SYT7: variants seen among roughly 807,000 people sequenced by gnomAD.
SYT7 encodes the protein synaptotagmin-7.
SYT7 carries 29 observed loss-of-function variants against 75.1 expected under a neutral mutation model. The observed-to-expected ratio is 0.39, with a 90% CI of 0.29 to 0.53. The LOEUF (loss-of-function observed/expected upper bound fraction) is 0.53. Ranked by LOEUF, SYT7 falls within the 20% of genes least tolerant of loss-of-function variation. The pLI, the probability that SYT7 is intolerant of heterozygous loss-of-function variation, is 0.77. For synonymous variants in SYT7, 376 were observed against 401.7 expected (o/e 0.94, Z 0.76); for missense variants, 693 against 953.2 (o/e 0.73, Z 3.59).
At position 61,556,088 on chromosome 11, in the gene SYT7, C is replaced by A; in HGVS notation, c.135+16G>T. The A allele has an allele frequency of 6.2e-7, 1 of 1,609,142 alleles. No homozygotes were observed. Among genetic ancestry groups the A allele is most frequent in the Non-Finnish European group, 8.5e-7 (1 of 1,176,644 alleles). ...GGGCTAGGCACCACCCTCCAAGGGG[C>A]CCTCAGGAGCCTCACCAGTTTGCGC... On this transcript the variant is annotated intron_variant, in intron 2 of 12. Coordinates refer to ENST00000539008, the MANE Select transcript of SYT7 (RefSeq NM_001365809.2).
rs1049666699 is a variant in SYT7 at position 61,516,443 on chromosome 11, T to C, written c.*2184A>G. 1 of 151,782 alleles carries C rather than the reference T, an allele frequency of 6.6e-6. No individual in the cohort carries two copies. Among genetic ancestry groups the C allele is most frequent in the Non-Finnish European group, 1.5e-5 (1 of 67,950 alleles). The allele number at this position is 151,782 out of a possible 1,614,324, so 9.4% of individuals were successfully genotyped here. On this transcript the variant is annotated 3_prime_UTR_variant, in exon 13 of 13. Coordinates refer to ENST00000539008, the MANE Select transcript of SYT7 (RefSeq NM_001365809.2). The surrounding 1 kb of genome is among the most constrained non-coding windows in gnomAD (Gnocchi z 4.6). The stretch of plus-strand genomic sequence containing the variant: ...GTTGCCCCGCCCACTCGATACAAGT[T>C]GGTTGGATCCCCAGGGCGAAGGCGC...
At chr11:61,563,374 C>T (rs560371228) in intron 1 of SYT7, among the ~76,000 whole-genome samples, 1 of 152,358 alleles carries the variant, frequency 6.6e-6, no homozygotes, top group African/African-American at 2.4e-5. Context: ...CCTAACCTCC[C>T]CTGCTGGGGA....
chr11:61,577,214 A>G (rs2064108368), intron 1 of SYT7, among the ~76,000 whole-genome samples: 1 of 152,202 alleles, frequency 6.6e-6, no homozygotes, highest in African/African-American at 2.4e-5. Context: ...CCCATGCCCC[A>G]TTGAAATCAT....
At chr11:61,549,714 G>A (rs908801536) in intron 3 of SYT7, among the ~76,000 whole-genome samples, 1 of 152,180 alleles carries the variant, frequency 6.6e-6, no homozygotes, top group Non-Finnish European at 1.5e-5. Context: ...CAGCAGCTTC[G>A]GGGGCAGGCT....
Position 61,516,940 on chromosome 11 carries a change from G to T in SYT7, c.*1687C>A, listed in dbSNP as rs573954540. ...GCAAGCAGAATGCTCAGCTCAAGGG[G>T]AAGCCGTTCGAAGGAAAATGGTTCC... On this transcript the variant is annotated 3_prime_UTR_variant, in exon 13 of 13. Coordinates refer to ENST00000539008, the MANE Select transcript of SYT7 (RefSeq NM_001365809.2). The surrounding 1 kb of genome is among the most constrained non-coding windows in gnomAD (Gnocchi z 4.6). 3.8e-6 allele frequency: 1 copy of T among 261,890 alleles called. No individual in the cohort carries two copies. Among genetic ancestry groups the T allele is most frequent in the South Asian group, 1.7e-4 (1 of 5,838 alleles). The allele number at this position is 261,890 out of a possible 1,614,324, so 16.2% of individuals were successfully genotyped here. A position where few individuals can be genotyped will look rare whatever the true frequency, so the allele number is the denominator to read the frequency against.
rs527363177 is a variant in SYT7, at chr11:61,524,411, G to C, written c.1593C>G (p.Thr531=). ...VSIPLNKVDL[T]QMQTFWKDLK... ...GATCCTTCCAGAAGGTCTGCATCTG[G>C]GTCAGGTCCACCTTGTTAAGGGGGA... Residue 531 remains threonine, a synonymous_variant, in exon 10 of 13, where the codon ACC becomes ACG. Transcript: ENST00000539008. This position sits in a 1 kb window ranked among gnomAD's most constrained non-coding sequence, Gnocchi z 4.1. 2 of 1,614,102 alleles carry C rather than the reference G, an allele frequency of 1.2e-6. No homozygotes were observed. Among genetic ancestry groups the C allele is most frequent in the South Asian group, 2.2e-5 (2 of 91,084 alleles).
In SYT7 at chr11:61,518,742, A is replaced by G; in HGVS notation, c.1957-11T>C. The G allele has an allele frequency of 6.5e-7, 1 of 1,527,574 alleles. No individual in the cohort carries two copies. Among genetic ancestry groups the G allele is most frequent in the Non-Finnish European group, 8.8e-7 (1 of 1,130,574 alleles). 94.6% of individuals were successfully genotyped at this position (1,527,574 alleles called of 1,614,324 possible). A position where few individuals can be genotyped will look rare whatever the true frequency, so the allele number is the denominator to read the frequency against. On this transcript the variant is annotated splice_polypyrimidine_tract_variant and intron_variant, in intron 12 of 12. Coordinates refer to ENST00000539008, the MANE Select transcript of SYT7 (RefSeq NM_001365809.2). ...CCAGGACAGGTAGATCTGGGGAGAA[A>G]GGGGAGACGATGGCATCGGCACAGG...
upstream of SYT7, among the ~76,000 whole-genome samples, chr11:61,583,635 G>A (rs11230741): frequency 0.13 from 19,492 of 152,224 alleles, 1,668 homozygotes; most frequent in Middle Eastern, 0.24. Context: ...GAGACCCAGT[G>A]CTTGCTCCCA....
chr11:61,531,755 G>A (rs945966668), intron 8 of SYT7, among the ~76,000 whole-genome samples: 4 of 151,888 alleles, frequency 2.6e-5, no homozygotes, highest in Non-Finnish European at 4.4e-5. Context: ...TTAGCCGGGC[G>A]TGGTGGTGTA....
intron 12 of SYT7, among the ~76,000 whole-genome samples, chr11:61,520,630 C>T (rs2062296538): frequency 1.3e-5 from 2 of 152,132 alleles, no homozygotes; most frequent in African/African-American, 2.4e-5. Flanking sequence ...TTCAACCAGC[C>T]TGGCCAACAT....
upstream of SYT7, among the ~76,000 whole-genome samples, chr11:61,583,386 G>C (rs1050325767): frequency 1.3e-5 from 2 of 152,194 alleles, no homozygotes; most frequent in African/African-American, 4.8e-5. Context: ...CCACTCAACA[G>C]GTCTTTACTA....
intron 1 of SYT7, among the ~76,000 whole-genome samples, chr11:61,577,689 G>C (rs548781810): frequency 6.6e-6 from 1 of 152,210 alleles, no homozygotes; most frequent in African/African-American, 2.4e-5. Context: ...CTGCCTAGTG[G>C]AGTGTCTGTA....
intron 5 of SYT7, among the ~76,000 whole-genome samples, chr11:61,543,719 G>A (rs2063111036): frequency 6.6e-6 from 1 of 152,256 alleles, no homozygotes; most frequent in South Asian, 2.1e-4. Flanking sequence ...CATGCCAGTG[G>A]TTGGAGTCAG....
rs1034988991 is a variant in SYT7, at chr11:61,546,150, C to T, written c.453G>A (p.Glu151=). The change falls in exon 5 of 13, where the codon GAG becomes GAA. Residue 151 remains glutamate, a synonymous_variant. Coordinates refer to ENST00000539008, the MANE Select transcript of SYT7 (RefSeq NM_001365809.2). This position sits in a 1 kb window ranked among gnomAD's most constrained non-coding sequence, Gnocchi z 7.6. ...CAGCCCCGCCGCTTCTCAAGGCGTC[C>T]TCTCCGGGTGGCGGCACCGGTGCCG... ...EKPAPVPPPG[E]DALRSGGAAP... 2.6e-6 allele frequency: 4 copies of T among 1,527,672 alleles called. No individual in the cohort carries two copies. In the African/African-American group the frequency reaches 4.2e-5, roughly 16 times the overall value. 94.6% of individuals were successfully genotyped at this position (1,527,672 alleles called of 1,614,324 possible).
chr11:61,559,919 A>T (rs991495163), intron 1 of SYT7, among the ~76,000 whole-genome samples: 1 of 152,110 alleles, frequency 6.6e-6, no homozygotes, highest in Non-Finnish European at 1.5e-5. Flanking sequence ...CTAGGCTGAG[A>T]CCCTAGTCCA....
intron 1 of SYT7, among the ~76,000 whole-genome samples, chr11:61,562,904 C>T (rs2063674837): frequency 6.6e-6 from 1 of 152,202 alleles, no homozygotes; most frequent in South Asian, 2.1e-4. Flanking sequence ...AACAGGGCTG[C>T]TGGCTGCTGG....
upstream of SYT7, chr11:61,581,258 C>G (rs1284210744): frequency 6.8e-6 from 1 of 147,194 alleles, no homozygotes; most frequent in African/African-American, 2.4e-5. Flanking sequence ...CCGCCCGAAG[C>G]CGCCCCGAGG....
At chr11:61,532,897 G>A (rs1361712782) in intron 8 of SYT7, 92 bp downstream of exon 8, 43 of 1,542,246 alleles carry the variant, frequency 2.8e-5, no homozygotes, top group Non-Finnish European at 3.2e-5. Context: ...CCACTCCCAT[G>A]CTGTTAATCA....
rs1213697445 is a variant in SYT7, at chr11:61,515,312, C to T, written c.*3315G>A. 2 of 152,226 alleles carry T rather than the reference C, an allele frequency of 1.3e-5. No homozygotes were observed. Among genetic ancestry groups the T allele is most frequent in the Non-Finnish European group, 2.9e-5 (2 of 68,050 alleles). 9.4% of individuals were successfully genotyped at this position (152,226 alleles called of 1,614,324 possible). Reference sequence around the variant, plus strand: ...ACCCACGGAGGAAACAGCCAAGGCCCTACTTTTTCACGATCCTTTATTAAT... The same window carrying T: ...ACCCACGGAGGAAACAGCCAAGGCCTTACTTTTTCACGATCCTTTATTAAT... On this transcript the variant is annotated 3_prime_UTR_variant, in exon 13 of 13. Transcript: ENST00000539008.
Sources: gnomAD v4.1 joint callset for allele counts (sites outside exome capture counted in the v4.1 genomes callset) on GRCh38, gnomAD v4.1.1 for gene constraint, Gnocchi (gnomAD v3.1) non-coding constraint, MANE v1.5 for transcripts, NCBI Gene and HGNC (gene_info 2026-07-23, HGNC 2026-07-21) for gene names.